The following RO60 variants were observed in gnomAD, a reference collection of about 807,000 sequenced individuals.
RO60 encodes the protein Ro60, Y RNA binding protein.
A neutral mutation model predicts 55.3 loss-of-function variants in RO60; 20 were observed. The ratio of observed to expected loss-of-function variants is 0.36; its 90% confidence interval spans 0.25 to 0.53. The LOEUF is 0.53. Ranked by LOEUF, RO60 falls within the 20% of genes least tolerant of loss-of-function variation. RO60 has a pLI of 0.92. For missense variants in RO60, 558 were observed against 646.6 expected (o/e 0.86, Z 1.49); for synonymous variants, 213 against 213.6 (o/e 1.00, Z 0.02).
Position 193,059,868 on chromosome 1 carries a change from T to G in RO60, c.-22+92T>G. The G allele has an allele frequency of 7.3e-7, 1 of 1,364,618 alleles. No homozygotes were observed. The highest frequency in any genetic ancestry group is 9.8e-7 in the Non-Finnish European group (1 of 1,021,058). The allele number at this position is 1,364,618 out of a possible 1,614,324, so 84.5% of individuals were successfully genotyped here. On this transcript the variant is annotated intron_variant, in intron 1 of 8. Coordinates refer to ENST00000400968, the MANE Select transcript of RO60 (RefSeq NM_001173524.2). The surrounding 1 kb of genome is among the most constrained non-coding windows in gnomAD (Gnocchi z 4.9). The stretch of plus-strand genomic sequence containing the variant: ...CAGTCCTCCATGTCTCTCACCCGCA[T>G]CCCAGGGGTTGAGGCTGGGCAAACG...
At chr1:193,061,483 A>T (rs891504701) in intron 1 of RO60, among the ~76,000 whole-genome samples, 3 of 152,232 alleles carry the variant, frequency 2.0e-5, no homozygotes, top group Non-Finnish European at 4.4e-5. Context: ...AGATATTGAG[A>T]TGTGTAAATT....
At chr1:193,061,846 C>T (rs1284079880) in intron 1 of RO60, among the ~76,000 whole-genome samples, 1 of 151,794 alleles carries the variant, frequency 6.6e-6, no homozygotes, top group African/African-American at 2.4e-5. Context: ...TAGCCGGGTG[C>T]GGTGGCAGGC....
intron 5 of RO60, among the ~76,000 whole-genome samples, chr1:193,079,041 G>C (rs915316072): frequency 2.8e-5 from 4 of 143,716 alleles, no homozygotes; most frequent in African/African-American, 1.0e-4. Flanking sequence ...CAATGAAATA[G>C]AAAGTCCAGA....
In RO60 at chr1:193,073,750, A is replaced by C. The variant is rs546651209; in HGVS notation, c.581-2070A>C. ...CACCACGCCCAGCTAATTTTTTTTTATTATACTTTAAGTTCTAGGGTACAT... is the reference window on the plus strand; with the variant it reads ...CACCACGCCCAGCTAATTTTTTTTTCTTATACTTTAAGTTCTAGGGTACAT... On this transcript the variant is annotated intron_variant, in intron 2 of 8. Coordinates refer to ENST00000400968, the MANE Select transcript of RO60 (RefSeq NM_001173524.2). Among the ~76,000 whole-genome samples the C allele has an allele frequency of 1.3e-3, 196 of 151,938 alleles. 1 individual carries two copies. Among genetic ancestry groups the C allele is most frequent in the Non-Finnish European group, 2.1e-3 (142 of 67,928 alleles).
chr1:193,065,825 A>T (rs1453596587), intron 1 of RO60, among the ~76,000 whole-genome samples: 2 of 152,202 alleles, frequency 1.3e-5, no homozygotes, highest in African/African-American at 4.8e-5. Flanking sequence ...TTCCACTAAC[A>T]TAAGCAAATT....
At chr1:193,072,522 A>T (rs1673590837) in intron 2 of RO60, among the ~76,000 whole-genome samples, 2 of 148,136 alleles carry the variant, frequency 1.4e-5, no homozygotes, top group Admixed American at 1.4e-4. Context: ...TCATAGGTTT[A>T]TGTTTTGTGT....
At chr1:193,072,873 A>T (rs1673619311) in intron 2 of RO60, among the ~76,000 whole-genome samples, 1 of 152,196 alleles carries the variant, frequency 6.6e-6, no homozygotes, top group Non-Finnish European at 1.5e-5. Context: ...CACACATAGG[A>T]TTCTTTAATT....
chr1:193,081,622 G>A, intron 6 of RO60, 142 bp downstream of exon 6: 1 of 557,022 alleles, frequency 1.8e-6, no homozygotes. Context: ...TATATTTAAA[G>A]ATAATTGTGT....
chr1:193,080,616 A>T (rs775634148), intron 5 of RO60, among the ~76,000 whole-genome samples: 4 of 152,204 alleles, frequency 2.6e-5, no homozygotes, highest in African/African-American at 7.2e-5. Context: ...TTGATGAACA[A>T]CCCAAATGTT....
chr1:193,076,671 T>C lies in RO60; in HGVS notation c.948+24T>C, dbSNP rs1259016938. On this transcript the variant is annotated intron_variant, in intron 4 of 8. Coordinates refer to ENST00000400968, the MANE Select transcript of RO60 (RefSeq NM_001173524.2). Reference sequence around the variant, plus strand: ...AGGTAAGCATTATCATTGTTCTTTATTAGCTACTACTAACTGAGAAAGTGG... The same window carrying C: ...AGGTAAGCATTATCATTGTTCTTTACTAGCTACTACTAACTGAGAAAGTGG... The C allele has an allele frequency of 2.5e-6, 4 of 1,573,674 alleles. No individual in the cohort carries two copies. In the East Asian group the frequency reaches 6.8e-5, roughly 27 times the overall value.
intron 2 of RO60, chr1:193,070,768 T>C (rs772971539): frequency 3.4e-5 from 6 of 174,052 alleles, no homozygotes; most frequent in African/African-American, 4.8e-5. Flanking sequence ...CATATTTTTA[T>C]ATACAGAATC....
At chr1:193,060,726 G>A (rs929528611) in intron 1 of RO60, among the ~76,000 whole-genome samples, 7 of 152,080 alleles carry the variant, frequency 4.6e-5, no homozygotes, top group African/African-American at 1.7e-4. Flanking sequence ...TGAAGTGTTG[G>A]TTTAAAAAAA....
At chr1:193,068,805 G>A (rs887185042) in intron 1 of RO60, among the ~76,000 whole-genome samples, 10 of 152,164 alleles carry the variant, frequency 6.6e-5, no homozygotes, top group African/African-American at 2.4e-4. Flanking sequence ...GATATTACTG[G>A]TAGTCATTTC....
intron 2 of RO60, among the ~76,000 whole-genome samples, chr1:193,070,303 T>C (rs886957155): frequency 4.6e-5 from 7 of 152,164 alleles, no homozygotes; most frequent in Admixed American, 1.3e-4. Flanking sequence ...ATACCAGATA[T>C]AGTGCTGAAC....
At chr1:193,061,975 G>C (rs1672799251) in intron 1 of RO60, among the ~76,000 whole-genome samples, 1 of 147,448 alleles carries the variant, frequency 6.8e-6, no homozygotes, top group South Asian at 2.1e-4. Flanking sequence ...CAGAGTGAGA[G>C]TCTGTCTCAA....
chr1:193,074,159 C>G (rs1351131500), intron 2 of RO60, among the ~76,000 whole-genome samples: 3 of 152,112 alleles, frequency 2.0e-5, no homozygotes, highest in Non-Finnish European at 4.4e-5. Flanking sequence ...GGGCTGGTTC[C>G]AAGTCTTTGC....
chr1:193,073,073 C>G (rs1673633268), intron 2 of RO60, among the ~76,000 whole-genome samples: 1 of 152,166 alleles, frequency 6.6e-6, no homozygotes, highest in South Asian at 2.1e-4. Flanking sequence ...AAATGTGATT[C>G]AAGTCATCAG....
At chr1:193,062,880 G>T (rs951429776) in intron 1 of RO60, among the ~76,000 whole-genome samples, 1 of 151,944 alleles carries the variant, frequency 6.6e-6, no homozygotes, top group African/African-American at 2.4e-5. Flanking sequence ...CCTTTTTATT[G>T]TCTAATAATA....
downstream of RO60, chr1:193,091,723 G>C: frequency 6.4e-7 from 1 of 1,574,640 alleles, no homozygotes; most frequent in Non-Finnish European, 8.7e-7. Flanking sequence ...AACTGTTTTT[G>C]GTCAGTTATT....
Sources: gnomAD v4.1 joint callset for allele counts (sites outside exome capture counted in the v4.1 genomes callset) on GRCh38, gnomAD v4.1.1 for gene constraint, Gnocchi (gnomAD v3.1) non-coding constraint, MANE v1.5 for transcripts, NCBI Gene and HGNC (gene_info 2026-07-23, HGNC 2026-07-21) for gene names.